The following JPH1 variants were observed in gnomAD, a reference collection of about 807,000 sequenced individuals.
The protein encoded by JPH1 is junctophilin-1.
A neutral mutation model predicts 53.6 loss-of-function variants in JPH1; 12 were observed. The observed-to-expected ratio is 0.22, with a 90% confidence interval of 0.14 to 0.36. The LOEUF (loss-of-function observed/expected upper bound fraction) is 0.36. Ranked by LOEUF, JPH1 falls within the 10% of genes least tolerant of loss-of-function variation. JPH1 has a pLI of 1.00. For synonymous variants in JPH1, 375 were observed against 363.8 expected (o/e 1.03, Z -0.35); for missense variants, 808 against 905.5 (o/e 0.89, Z 1.38).
rs1434535267 is a variant in JPH1, at chr8:74,320,913, G to A, written c.375C>T (p.Asp125=). ...QDGYGVETYG[D]GGTYQGQWAG... ...GCCGCCCGTTACGCCGCTCACCTCCGTCCCCGTAGGTCTCCACGCCGTACC... is the reference window on the plus strand; with the variant it reads ...GCCGCCCGTTACGCCGCTCACCTCCATCCCCGTAGGTCTCCACGCCGTACC... Residue 125 remains aspartate (D), a synonymous_variant, in exon 1 of 6, where the codon GAC becomes GAT. Transcript: ENST00000342232. This position sits in a 1 kb window ranked among gnomAD's most constrained non-coding sequence, Gnocchi z 4.4. 1 of 1,550,278 alleles carries A rather than the reference G, an allele frequency of 6.5e-7. No homozygotes were observed. Among genetic ancestry groups the A allele is most frequent in the Non-Finnish European group, 8.7e-7 (1 of 1,148,676 alleles).
At chr8:74,297,053 T>C (rs1377693716) in intron 2 of JPH1, among the ~76,000 whole-genome samples, 5 of 152,164 alleles carry the variant, frequency 3.3e-5, no homozygotes, top group African/African-American at 1.2e-4. Flanking sequence ...AATATTTTTA[T>C]CTTTACATAT....
intron 2 of JPH1, among the ~76,000 whole-genome samples, chr8:74,290,559 G>C (rs1357288785): frequency 1.3e-5 from 2 of 152,144 alleles, no homozygotes; most frequent in Non-Finnish European, 2.9e-5. Flanking sequence ...TACTGCCCAA[G>C]GTAATTTATA....
chr8:74,315,584 T>G lies in JPH1; in HGVS notation c.416A>C (p.His139Pro). 6.2e-7 allele frequency: 1 copy of G among 1,604,502 alleles called. No homozygotes were observed. Among genetic ancestry groups the G allele is most frequent in the Non-Finnish European group, 8.5e-7 (1 of 1,178,380 alleles). The change falls in exon 2 of 6, where the codon CAT becomes CCT. Residue 139 changes from histidine (H) to proline (P), a missense_variant. Coordinates refer to ENST00000342232, the MANE Select transcript of JPH1 (RefSeq NM_020647.4). The surrounding 1 kb of genome is among the most constrained non-coding windows in gnomAD (Gnocchi z 6.3). ...CACGCTCTGGCGCACGCCGTAGCCA[T>G]GCCGCATGCCTCCGGCCCACTGGCC... ...YQGQWAGGMR[H>P]GYGVRQSVPY...
At chr8:74,285,699 G>A (rs1563411138) in intron 2 of JPH1, among the ~76,000 whole-genome samples, 1 of 152,158 alleles carries the variant, frequency 6.6e-6, no homozygotes, top group Non-Finnish European at 1.5e-5. Flanking sequence ...ACCCCCTGGG[G>A]ATATTATGTA....
intron 2 of JPH1, among the ~76,000 whole-genome samples, chr8:74,289,486 A>T (rs1285527146): frequency 3.3e-5 from 5 of 152,182 alleles, no homozygotes; most frequent in Non-Finnish European, 7.3e-5. Context: ...CACACTAAGA[A>T]CTGGTGTTCC....
At chr8:74,244,145 G>C (rs554179429) in intron 4 of JPH1, among the ~76,000 whole-genome samples, 45 of 152,290 alleles carry the variant, frequency 3.0e-4, no homozygotes, top group African/African-American at 9.6e-4. Flanking sequence ...CCTTTTCCTA[G>C]AGCTCTGAGA....
At chr8:74,252,673 A>C (rs1259000911) in intron 3 of JPH1, among the ~76,000 whole-genome samples, 1 of 152,116 alleles carries the variant, frequency 6.6e-6, no homozygotes. Context: ...AGACACACAT[A>C]GGCTCAAAAT....
At chr8:74,251,730 G>A (rs1157522903) in intron 3 of JPH1, among the ~76,000 whole-genome samples, 2 of 151,594 alleles carry the variant, frequency 1.3e-5, no homozygotes, top group Non-Finnish European at 2.9e-5. Flanking sequence ...GTTTCTAACT[G>A]AATTGTAGAA....
At chr8:74,275,674 A>G (rs1041362815) in intron 2 of JPH1, among the ~76,000 whole-genome samples, 1 of 152,190 alleles carries the variant, frequency 6.6e-6, no homozygotes, top group African/African-American at 2.4e-5. Flanking sequence ...ACTAATCTGG[A>G]TCAAGAACCT....
intron 2 of JPH1, among the ~76,000 whole-genome samples, chr8:74,264,221 A>G (rs778772435): frequency 6.6e-6 from 1 of 152,246 alleles, no homozygotes; most frequent in Non-Finnish European, 1.5e-5. Flanking sequence ...CTAAAGCTCC[A>G]TTCTCAGTAA....
At chr8:74,271,781 G>A (rs945632859) in intron 2 of JPH1, among the ~76,000 whole-genome samples, 1 of 152,188 alleles carries the variant, frequency 6.6e-6, no homozygotes, top group Non-Finnish European at 1.5e-5. Flanking sequence ...AGTCTTGTGG[G>A]CTGACCAGTA....
At chr8:74,258,948 C>T (rs1806312949) in intron 3 of JPH1, among the ~76,000 whole-genome samples, 2 of 152,114 alleles carry the variant, frequency 1.3e-5, no homozygotes, top group Non-Finnish European at 2.9e-5. Context: ...GCTCCAGAAT[C>T]CAAAACATTG....
chr8:74,318,104 C>A (rs1385715324), intron 1 of JPH1, among the ~76,000 whole-genome samples: 1 of 152,128 alleles, frequency 6.6e-6, no homozygotes, highest in African/African-American at 2.4e-5. Context: ...AGTCAATGAA[C>A]CTAGAATAAG....
At chr8:74,264,164 CT>C (rs1434076871) in intron 2 of JPH1, among the ~76,000 whole-genome samples, 1 of 152,228 alleles carries the variant, frequency 6.6e-6, no homozygotes, top group South Asian at 2.1e-4. Flanking sequence ...CATCTACTAA[CT>C]GACGAAGCTG....
chr8:74,301,769 A>G (rs1463713825), intron 2 of JPH1, among the ~76,000 whole-genome samples: 1 of 152,120 alleles, frequency 6.6e-6, no homozygotes, highest in Non-Finnish European at 1.5e-5. Context: ...AGAATTTACC[A>G]TGTTATACTG....
chr8:74,291,331 C>T (rs1807320118), intron 2 of JPH1, among the ~76,000 whole-genome samples: 1 of 152,208 alleles, frequency 6.6e-6, no homozygotes. Context: ...TGAACAGACA[C>T]TTCTCAAAAG....
chr8:74,262,817 C>T (rs539820015), intron 2 of JPH1, among the ~76,000 whole-genome samples: 1 of 152,346 alleles, frequency 6.6e-6, no homozygotes, highest in Non-Finnish European at 1.5e-5. Context: ...AGCTATGGAA[C>T]TCCCTCCTGG....
intron 2 of JPH1, among the ~76,000 whole-genome samples, chr8:74,283,091 G>A (rs1807058657): frequency 6.6e-6 from 1 of 152,092 alleles, no homozygotes; most frequent in Non-Finnish European, 1.5e-5. Context: ...GGTTATTAGG[G>A]GAGCAGCGAG....
intron 2 of JPH1, among the ~76,000 whole-genome samples, chr8:74,310,822 C>T (rs149007327): frequency 4.6e-5 from 7 of 152,182 alleles, no homozygotes; most frequent in African/African-American, 1.4e-4. Flanking sequence ...TACAAGGGTG[C>T]GTCCATTTCC....
Sources: gnomAD v4.1 joint callset for allele counts (sites outside exome capture counted in the v4.1 genomes callset) on GRCh38, gnomAD v4.1.1 for gene constraint, Gnocchi (gnomAD v3.1) non-coding constraint, MANE v1.5 for transcripts, NCBI Gene and HGNC (gene_info 2026-07-23, HGNC 2026-07-21) for gene names.